Variants in ATP6V1C1 observed in about 807,000 individuals in gnomAD.
ATP6V1C1 encodes V-type proton ATPase subunit C 1.
In ATP6V1C1, 45 loss-of-function variants were observed where a neutral mutation model predicts 53.9. That is an observed-to-expected ratio of 0.83 (90% confidence interval 0.66 to 1.07). ATP6V1C1 has a LOEUF of 1.07. Ranked by LOEUF, ATP6V1C1 falls within the 50% of genes least tolerant of loss-of-function variation. ATP6V1C1 has a pLI of 0.00. For missense variants in ATP6V1C1, 315 were observed against 440.3 expected, an observed-to-expected ratio of 0.72 and a Z score of 2.55; for synonymous variants, 153 against 155.2, an observed-to-expected ratio of 0.99 and a Z score of 0.11.
chr8:103,049,331 G>A (rs1460547434), intron 4 of ATP6V1C1, among the ~76,000 whole-genome samples: 1 of 152,166 alleles, frequency 6.6e-6, no homozygotes, highest in African/African-American at 2.4e-5. Context: ...GTCTTATGTA[G>A]GTTTTTGTAT....
chr8:103,064,856 A>AT, intron 11 of ATP6V1C1, 45 bp downstream of exon 11: 1 of 1,538,798 alleles, frequency 6.5e-7, no homozygotes, highest in Non-Finnish European at 8.9e-7. Context: ...GAGTTCATAG[A>AT]TTCCTTACAT....
intron 3 of ATP6V1C1, among the ~76,000 whole-genome samples, chr8:103,048,295 T>C (rs990207321): frequency 6.6e-6 from 1 of 152,234 alleles, no homozygotes; most frequent in African/African-American, 2.4e-5. Flanking sequence ...CCACAGTTAC[T>C]TTTGCACCAA....
At chr8:103,044,565 C>T (rs1817061661) in intron 3 of ATP6V1C1, among the ~76,000 whole-genome samples, 1 of 152,042 alleles carries the variant, frequency 6.6e-6, no homozygotes, top group Non-Finnish European at 1.5e-5. Context: ...TTTCTGGACT[C>T]TCAGTTCTGT....
rs770689095 is a variant in ATP6V1C1 at position 103,040,962 on chromosome 8, C to T, written c.126C>T (p.Asp42=). ...TCACTTCCAAGTTCAATATTCCTGACTTAAAGGTGAAGCTGCACTGTGCAA... is the reference window on the plus strand; with the variant it reads ...TCACTTCCAAGTTCAATATTCCTGATTTAAAGGTGAAGCTGCACTGTGCAA... ...LAVTSKFNIP[D]LKVGTLDVLV... Residue 42 remains aspartate (D), a synonymous_variant, in exon 2 of 13, where the codon GAC becomes GAT. Coordinates refer to ENST00000518738, the MANE Select transcript of ATP6V1C1 (RefSeq NM_001695.5). The T allele has an allele frequency of 6.8e-6, 11 of 1,613,824 alleles. No homozygotes were observed. In the East Asian group the frequency reaches 1.3e-4, roughly 20 times the overall value.
At chr8:103,023,907 G>T (rs2048549) in intron 1 of ATP6V1C1, among the ~76,000 whole-genome samples, 56,072 of 140,406 alleles carry the variant, frequency 0.4, 10,831 homozygotes, top group African/African-American at 0.55. Flanking sequence ...TTTTTTTTTG[G>T]GGGGGGGGAA....
rs184540389 is a variant in ATP6V1C1 at position 103,046,356 on chromosome 8, A to G, written c.201-2514A>G. On this transcript the variant is annotated intron_variant, in intron 3 of 12. Transcript: ENST00000518738. ...TGAGTAGCTAGGACTATAGGCTTGC[A>G]CCACCACACCCAGCTAATTTTTTTA... Among the ~76,000 whole-genome samples, 440 of 152,100 alleles carry G rather than the reference A, an allele frequency of 2.9e-3. 14 individuals carry two copies. The highest frequency in any genetic ancestry group is 0.026 in the Admixed American group (391 of 15,282).
chr8:103,047,108 G>A (rs910591296), intron 3 of ATP6V1C1, among the ~76,000 whole-genome samples: 1 of 152,184 alleles, frequency 6.6e-6, no homozygotes, highest in African/African-American at 2.4e-5. Flanking sequence ...TAAACCTCAA[G>A]TTAAACATGT....
chr8:103,049,834 G>A (rs192957926), intron 4 of ATP6V1C1, among the ~76,000 whole-genome samples: 10 of 152,246 alleles, frequency 6.6e-5, no homozygotes, highest in African/African-American at 2.4e-4. Flanking sequence ...GCATATGCCT[G>A]TAGTCTCAGC....
rs112382196 is a variant in ATP6V1C1 at position 103,067,537 on chromosome 8, A to G, written c.1053+1090A>G. Among the ~76,000 whole-genome samples the G allele has an allele frequency of 2.2e-3, 331 of 151,758 alleles. 1 individual carries two copies. Among genetic ancestry groups the G allele is most frequent in the African/African-American group, 7.6e-3 (315 of 41,440 alleles). On this transcript the variant is annotated intron_variant, in intron 12 of 12. Transcript: ENST00000518738. ...ATAGGCATTAATTAGAACTATGAAA[A>G]ATCAGTTTTTCTTGATAGAAGGAAA...
chr8:103,065,106 T>C (rs1166881480), intron 11 of ATP6V1C1, among the ~76,000 whole-genome samples: 1 of 152,224 alleles, frequency 6.6e-6, no homozygotes, highest in Non-Finnish European at 1.5e-5. Flanking sequence ...AAAAGGAAGA[T>C]CCTTCAGGTG....
intron 3 of ATP6V1C1, among the ~76,000 whole-genome samples, chr8:103,048,093 GACA>G (rs1817136623): frequency 6.6e-6 from 1 of 152,208 alleles, no homozygotes; most frequent in Admixed American, 6.5e-5. Flanking sequence ...CCAAAGTCAG[GACA>G]ACATGTTTCT....
At chr8:103,030,115 AATGT>A (rs1816771373) in intron 1 of ATP6V1C1, among the ~76,000 whole-genome samples, 1 of 152,206 alleles carries the variant, frequency 6.6e-6, no homozygotes, top group South Asian at 2.1e-4. Context: ...CACATAAGTG[AATGT>A]TGGAGACATT....
chr8:103,028,053 A>G (rs1237275606), intron 1 of ATP6V1C1, among the ~76,000 whole-genome samples: 1 of 152,250 alleles, frequency 6.6e-6, no homozygotes, highest in African/African-American at 2.4e-5. Flanking sequence ...GATGTGTGAC[A>G]AAACATAAAA....
intron 1 of ATP6V1C1, 24 bp downstream of exon 1, chr8:103,021,249 G>A (rs1418602310): frequency 1.3e-5 from 2 of 152,744 alleles, no homozygotes; most frequent in Non-Finnish European, 2.9e-5. Context: ...GGCTCTCCCC[G>A]GATGGGGAGT....
chr8:103,041,872 A>C (rs770901432), intron 2 of ATP6V1C1, among the ~76,000 whole-genome samples: 5 of 152,246 alleles, frequency 3.3e-5, no homozygotes, highest in Non-Finnish European at 7.3e-5. Context: ...ACTCCGTCTC[A>C]AAAATATAAA....
chr8:103,048,100 T>C (rs746485938), intron 3 of ATP6V1C1, among the ~76,000 whole-genome samples: 6 of 152,212 alleles, frequency 3.9e-5, no homozygotes, highest in Non-Finnish European at 5.9e-5. Context: ...CAGGACAACA[T>C]GTTTCTAGTC....
At chr8:103,048,782 T>G (rs117892673) in intron 3 of ATP6V1C1, 88 bp from the exon 4 acceptor site, 14,441 of 1,114,486 alleles carry the variant, frequency 0.013, 135 homozygotes, top group Non-Finnish European at 0.014. Flanking sequence ...TATAGTCAAA[T>G]TCATGTCTTT....
At chr8:103,052,696 A>G (rs748452272) in intron 5 of ATP6V1C1, 35 bp from the exon 6 acceptor site, 18 of 1,449,898 alleles carry the variant, frequency 1.2e-5, no homozygotes, top group African/African-American at 2.9e-5. Context: ...ATTTAGGAAA[A>G]TTTTATCTAT....
chr8:103,069,930 A>T lies in ATP6V1C1; in HGVS notation c.*1183A>T, dbSNP rs1402951825. The T allele has an allele frequency of 6.6e-6, 1 of 152,242 alleles. No individual in the cohort carries two copies. Among genetic ancestry groups the T allele is most frequent in the Admixed American group, 6.5e-5 (1 of 15,292 alleles). 9.4% of individuals were successfully genotyped at this position (152,242 alleles called of 1,614,324 possible). On this transcript the variant is annotated 3_prime_UTR_variant, in exon 13 of 13. Coordinates refer to ENST00000518738, the MANE Select transcript of ATP6V1C1 (RefSeq NM_001695.5). ...AAGCAAATACAGACATCCACAATGT[A>T]GAACATGAGAGACCCCCTCCCTCAA...
Sources: allele counts gnomAD v4.1 joint callset (sites outside exome capture counted in the v4.1 genomes callset), GRCh38; gene constraint gnomAD v4.1.1; transcripts MANE v1.5; gene names NCBI Gene and HGNC (gene_info 2026-07-23, HGNC 2026-07-21).